Variants in ADGRL2 observed in about 807,000 individuals in gnomAD.
The protein encoded by ADGRL2 is adhesion G protein-coupled receptor L2, also known as calcium-independent alpha-latrotoxin receptor 2.
A neutral mutation model predicts 157.4 loss-of-function variants in ADGRL2; 44 were observed. The ratio of observed to expected loss-of-function variants is 0.28; its 90% confidence interval spans 0.22 to 0.36. ADGRL2 has a LOEUF of 0.36. ADGRL2 is among the 10% of genes least tolerant of loss of function. The probability of loss-of-function intolerance (pLI) is 1.00; values close to 1 mark genes in which losing one functional copy is unlikely to be tolerated. For synonymous variants in ADGRL2, 585 were observed against 624.7 expected (o/e 0.94, Z 0.95); for missense variants, 1,510 against 1,768.9 (o/e 0.85, Z 2.63).
At chr1:81,394,507 C>T (rs960854722) in intron 1 of ADGRL2, among the ~76,000 whole-genome samples, 1 of 152,116 alleles carries the variant, frequency 6.6e-6, no homozygotes, top group African/African-American at 2.4e-5. Context: ...GTGATGTCCT[C>T]CAAGCTTATA....
intron 1 of ADGRL2, among the ~76,000 whole-genome samples, chr1:81,402,471 G>T (rs1211636256): frequency 6.6e-6 from 1 of 152,092 alleles, no homozygotes; most frequent in Non-Finnish European, 1.5e-5. Context: ...TGCTACTGCT[G>T]CCATCAACCC....
At chr1:81,851,815 A>G (rs1212631667) in intron 2 of ADGRL2, among the ~76,000 whole-genome samples, 4 of 151,202 alleles carry the variant, frequency 2.6e-5, no homozygotes, top group Non-Finnish European at 4.4e-5. Flanking sequence ...GTACGTTTGC[A>G]AATGAATTTC....
At chr1:81,617,428 T>C (rs993374650) in intron 3 of ADGRL2, among the ~76,000 whole-genome samples, 1 of 152,214 alleles carries the variant, frequency 6.6e-6, no homozygotes, top group African/African-American at 2.4e-5. Context: ...TCTAGACGAC[T>C]CTTGGAAAAA....
At chr1:81,678,158 TC>T (rs2148943154) in intron 3 of ADGRL2, among the ~76,000 whole-genome samples, 1 of 152,266 alleles carries the variant, frequency 6.6e-6, no homozygotes, top group Admixed American at 6.5e-5. Flanking sequence ...ACACCATATT[TC>T]TTTAGTAACT....
intron 1 of ADGRL2, among the ~76,000 whole-genome samples, chr1:81,371,921 A>G (rs563569831): frequency 2.0e-5 from 3 of 152,346 alleles, no homozygotes; most frequent in African/African-American, 7.2e-5. Flanking sequence ...AGATGTGTAA[A>G]TAAACAAAGA....
chr1:81,585,227 C>T (rs1245078753), intron 3 of ADGRL2, among the ~76,000 whole-genome samples: 1 of 152,046 alleles, frequency 6.6e-6, no homozygotes, highest in Non-Finnish European at 1.5e-5. Context: ...TTATTAAAGA[C>T]ATTTTAAACT....
In ADGRL2 at chr1:81,906,998, C is replaced by G. The variant is rs746319816; in HGVS notation, c.74-19C>G. Reference sequence around the variant, plus strand: ...TATAAATGAGTTACAGTTTAATTTTCTTTCTTTTTTATTTTAAGGTTTCAG... The same window carrying G: ...TATAAATGAGTTACAGTTTAATTTTGTTTCTTTTTTATTTTAAGGTTTCAG... On this transcript the variant is annotated intron_variant, in intron 2 of 23. Coordinates refer to ENST00000686636, the MANE Select transcript of ADGRL2 (RefSeq NM_001366006.2). 1.6e-5 allele frequency: 26 copies of G among 1,589,550 alleles called. No homozygotes were observed. The Middle Eastern group carries it at 8.3e-4, about 51-fold the overall frequency.
chr1:81,790,950 G>A (rs1571234809), intron 2 of ADGRL2, among the ~76,000 whole-genome samples: 1 of 150,520 alleles, frequency 6.6e-6, no homozygotes, highest in South Asian at 2.1e-4. Context: ...TGTGGTCCCA[G>A]CTTCTTTGTG....
intron 2 of ADGRL2, among the ~76,000 whole-genome samples, chr1:81,537,669 C>T (rs1318562107): frequency 1.3e-5 from 2 of 151,688 alleles, no homozygotes; most frequent in Admixed American, 6.6e-5. Context: ...TTATGCTAGG[C>T]CTGTCTTCTT....
At chr1:81,759,644 T>C (rs909984494) in intron 1 of ADGRL2, among the ~76,000 whole-genome samples, 1 of 152,098 alleles carries the variant, frequency 6.6e-6, no homozygotes, top group African/African-American at 2.4e-5. Context: ...TTCACCAAAG[T>C]GTCATCAACA....
chr1:81,372,832 T>G (rs1399962598), intron 1 of ADGRL2, among the ~76,000 whole-genome samples: 1 of 152,190 alleles, frequency 6.6e-6, no homozygotes, highest in Non-Finnish European at 1.5e-5. Context: ...CCCATATTAT[T>G]TTGCTTAATC....
chr1:81,732,234 C>CCACCCAAT (rs2084750964), intron 1 of ADGRL2, among the ~76,000 whole-genome samples: 2 of 152,186 alleles, frequency 1.3e-5, no homozygotes, highest in Non-Finnish European at 2.9e-5. Context: ...ACCCCTAGTG[C>CCACCCAAT]ACTAGTTGAT....
At chr1:81,984,555 C>G in intron 19 of ADGRL2, 28 bp from the exon 20 acceptor site, 1 of 1,555,696 alleles carries the variant, frequency 6.4e-7, no homozygotes, top group Non-Finnish European at 8.8e-7. Context: ...TTATATTAAT[C>G]CCTTGGTCTT....
chr1:81,695,845 G>A (rs1189399684), upstream of ADGRL2, among the ~76,000 whole-genome samples: 2 of 150,778 alleles, frequency 1.3e-5, no homozygotes, highest in Non-Finnish European at 3.0e-5. Flanking sequence ...AAAGAATTAA[G>A]TGTGAGCTCC....
At chr1:81,618,771 T>C (rs911610534) in intron 3 of ADGRL2, among the ~76,000 whole-genome samples, 1 of 152,248 alleles carries the variant, frequency 6.6e-6, no homozygotes, top group African/African-American at 2.4e-5. Flanking sequence ...CTTTATCTTA[T>C]TAACTGAATA....
rs548226826 is a variant in ADGRL2, at chr1:81,464,773, CT to C, written c.-248+19685del. 1.8e-3 allele frequency among the ~76,000 whole-genome samples: 269 copies of C among 152,192 alleles called. 2 individuals are homozygous for C. Among genetic ancestry groups the C allele is most frequent in the African/African-American group, 6.2e-3 (258 of 41,528 alleles). ...AGGACTGCCTATTCTTTGCACATAC[CT>C]CATTATCATTTACCTTTACATGAGG... is the stretch of plus-strand genomic sequence containing the variant. On this transcript the variant is annotated intron_variant, in intron 2 of 24. Transcript: ENST00000370721.
intron 1 of ADGRL2, among the ~76,000 whole-genome samples, chr1:81,832,265 C>T (rs1395372963): frequency 6.6e-6 from 1 of 152,122 alleles, no homozygotes; most frequent in Non-Finnish European, 1.5e-5. Flanking sequence ...CCTTAGCCTC[C>T]TGTGTAGCTG....
intron 2 of ADGRL2, among the ~76,000 whole-genome samples, chr1:81,558,306 A>T (rs1369863402): frequency 6.6e-6 from 1 of 152,250 alleles, no homozygotes; most frequent in African/African-American, 2.4e-5. Context: ...ATATAAGAAC[A>T]TTAATAACAA....
intron 3 of ADGRL2, among the ~76,000 whole-genome samples, chr1:81,651,776 A>G (rs1477297668): frequency 6.6e-6 from 1 of 152,164 alleles, no homozygotes; most frequent in Non-Finnish European, 1.5e-5. Flanking sequence ...CTCATCACTC[A>G]GGCCTACGTG....
Sources: gnomAD v4.1 joint callset for allele counts (sites outside exome capture counted in the v4.1 genomes callset) on GRCh38, gnomAD v4.1.1 for gene constraint, MANE v1.5 for transcripts, NCBI Gene and HGNC (gene_info 2026-07-23, HGNC 2026-07-21) for gene names.